The following B3GALT1 variants were observed in gnomAD, a reference collection of about 807,000 sequenced individuals.
B3GALT1 encodes beta-1,3-galactosyltransferase 1.
Under a neutral mutation model 23.2 loss-of-function variants are expected in B3GALT1, and 10 were observed. That is an observed-to-expected ratio of 0.43 (90% CI 0.27 to 0.73). The LOEUF (loss-of-function observed/expected upper bound fraction) is 0.73, where lower values mean the gene tolerates loss of function less well. Among genes scored for constraint, B3GALT1 ranks in the 30% least tolerant of loss-of-function variants. The pLI is 0.21. For missense variants in B3GALT1, 299 were observed against 405.4 expected (o/e 0.74, Z 2.25); for synonymous variants, 156 against 141.5 (o/e 1.10, Z -0.73).
chr2:167,649,224 T>C (rs940907366), intron 3 of B3GALT1, among the ~76,000 whole-genome samples: 1 of 152,132 alleles, frequency 6.6e-6, no homozygotes, highest in Admixed American at 6.6e-5. Context: ...TTGGCATTTT[T>C]CATTTGCATT....
At chr2:167,675,083 C>G (rs1360480581) in intron 3 of B3GALT1, among the ~76,000 whole-genome samples, 1 of 152,180 alleles carries the variant, frequency 6.6e-6, no homozygotes, top group African/African-American at 2.4e-5. Flanking sequence ...CCCTGTGCAC[C>G]TTGGTGGCTG....
intron 1 of B3GALT1, among the ~76,000 whole-genome samples, chr2:167,336,869 C>G (rs892255625): frequency 5.3e-5 from 8 of 152,108 alleles, no homozygotes; most frequent in African/African-American, 1.9e-4. Flanking sequence ...GAATTTAACC[C>G]AATAGGCCCA....
intron 3 of B3GALT1, among the ~76,000 whole-genome samples, chr2:167,671,971 T>A (rs1246969127): frequency 6.6e-6 from 1 of 151,890 alleles, no homozygotes; most frequent in Admixed American, 6.6e-5. Flanking sequence ...ATACAAAGGA[T>A]CATAAAAGAC....
chr2:167,508,696 T>C (rs1699960195), intron 2 of B3GALT1, among the ~76,000 whole-genome samples: 1 of 152,138 alleles, frequency 6.6e-6, no homozygotes, highest in Non-Finnish European at 1.5e-5. Context: ...AAGTATTAAA[T>C]AGTTTAATAC....
At chr2:167,523,712 A>G (rs1438338270) in intron 2 of B3GALT1, among the ~76,000 whole-genome samples, 4 of 152,188 alleles carry the variant, frequency 2.6e-5, no homozygotes, top group African/African-American at 9.7e-5. Flanking sequence ...GGTGTGAGCC[A>G]CTGCACCCAG....
intron 3 of B3GALT1, among the ~76,000 whole-genome samples, chr2:167,751,028 C>T (rs1167448659): frequency 6.6e-6 from 1 of 152,196 alleles, no homozygotes; most frequent in Non-Finnish European, 1.5e-5. Context: ...CTCAACTCTG[C>T]TGTTGCTGCA....
chr2:167,446,296 A>G (rs979061000), intron 1 of B3GALT1, among the ~76,000 whole-genome samples: 1 of 151,892 alleles, frequency 6.6e-6, no homozygotes. Flanking sequence ...TTCCCTTAAC[A>G]TTTTTTCCTT....
At chr2:167,302,540 T>C (rs953455497) in intron 1 of B3GALT1, among the ~76,000 whole-genome samples, 7 of 152,166 alleles carry the variant, frequency 4.6e-5, no homozygotes, top group African/African-American at 1.7e-4. Flanking sequence ...TTTTCAGGGG[T>C]AATTTTAGAC....
Position 167,769,478 on chromosome 2 carries a change from A to G in B3GALT1, c.-351-49194A>G, listed in dbSNP as rs78760877. Reference sequence around the variant, plus strand: ...TACTGTTATGAATTTTGACAAATGCATGAAATTCATAACCACAATCACTAT... The same window carrying G: ...TACTGTTATGAATTTTGACAAATGCGTGAAATTCATAACCACAATCACTAT... On this transcript the variant is annotated intron_variant, in intron 3 of 4. Transcript: ENST00000392690. Among the ~76,000 whole-genome samples the G allele has an allele frequency of 2.7e-3, 414 of 152,316 alleles. 3 individuals carry two copies. Among genetic ancestry groups the G allele is most frequent in the African/African-American group, 9.2e-3 (382 of 41,566 alleles).
intron 2 of B3GALT1, among the ~76,000 whole-genome samples, chr2:167,596,079 G>A (rs1220873090): frequency 3.9e-5 from 6 of 152,202 alleles, no homozygotes; most frequent in Admixed American, 2.6e-4. Flanking sequence ...TTGGTCTCCC[G>A]AGGAGAGAAA....
chr2:167,507,937 G>A (rs1699946068), intron 2 of B3GALT1, among the ~76,000 whole-genome samples: 1 of 152,128 alleles, frequency 6.6e-6, no homozygotes, highest in Non-Finnish European at 1.5e-5. Flanking sequence ...CCATGCTGGA[G>A]GCTGGAAGTC....
At chr2:167,398,965 A>G (rs1366306685) in intron 1 of B3GALT1, among the ~76,000 whole-genome samples, 1 of 152,124 alleles carries the variant, frequency 6.6e-6, no homozygotes, top group Non-Finnish European at 1.5e-5. Flanking sequence ...CAGACCTCAT[A>G]TGCCAAGACC....
Position 167,868,805 on chromosome 2 carries a change from T to A in B3GALT1, c.-229-6T>A. The A allele has an allele frequency of 2.2e-6, 1 of 465,002 alleles. No homozygotes were observed. The highest frequency in any genetic ancestry group is 3.8e-6 in the Non-Finnish European group (1 of 264,532). The allele number at this position is 465,002 out of a possible 1,614,324, so 28.8% of individuals were successfully genotyped here. Reference sequence around the variant, plus strand: ...AAGTGACAACTGTACTTTATTGATTTTGCAGAGTTAAGAGGAAGATTTATG... The same window carrying A: ...AAGTGACAACTGTACTTTATTGATTATGCAGAGTTAAGAGGAAGATTTATG... On this transcript the variant is annotated splice_region_variant and splice_polypyrimidine_tract_variant and intron_variant, in intron 4 of 4. Coordinates refer to ENST00000392690, the MANE Select transcript of B3GALT1 (RefSeq NM_020981.4).
intron 1 of B3GALT1, among the ~76,000 whole-genome samples, chr2:167,436,922 G>A (rs971839433): frequency 1.3e-5 from 2 of 152,166 alleles, no homozygotes; most frequent in African/African-American, 2.4e-5. Context: ...TTTACACTAT[G>A]CAGACATAAA....
intron 2 of B3GALT1, among the ~76,000 whole-genome samples, chr2:167,521,984 GTATATATATATATATATATATACACA>G (rs1700194701): frequency 8.2e-6 from 1 of 122,636 alleles, no homozygotes; most frequent in Non-Finnish European, 1.7e-5. Context: ...GTGTGTGTGT[GTATATATATATATATATATATACACA>G]TATATATATA....
At chr2:167,317,398 G>C (rs1316726323) in intron 1 of B3GALT1, among the ~76,000 whole-genome samples, 3 of 152,098 alleles carry the variant, frequency 2.0e-5, no homozygotes, top group Non-Finnish European at 4.4e-5. Context: ...AGGCTCTTCA[G>C]CTCTGCCAAC....
chr2:167,515,937 T>G (rs978727886), intron 2 of B3GALT1, among the ~76,000 whole-genome samples: 8 of 152,102 alleles, frequency 5.3e-5, no homozygotes, highest in Non-Finnish European at 8.8e-5. Context: ...CTTCCTAAAT[T>G]TTCTAGGCCT....
chr2:167,767,923 A>G (rs1688005075), intron 3 of B3GALT1, among the ~76,000 whole-genome samples: 1 of 152,148 alleles, frequency 6.6e-6, no homozygotes, highest in African/African-American at 2.4e-5. Context: ...GGTGTAGTTC[A>G]GAGAGCTGAG....
chr2:167,486,357 C>CA (rs56092916), intron 1 of B3GALT1, among the ~76,000 whole-genome samples: 40,293 of 113,112 alleles, frequency 0.36, 6,384 homozygotes, highest in East Asian at 0.58. Flanking sequence ...GACTCTGTCT[C>CA]AAAAAAAAAA....
Sources: allele counts gnomAD v4.1 joint callset (sites outside exome capture counted in the v4.1 genomes callset), GRCh38; gene constraint gnomAD v4.1.1; transcripts MANE v1.5; gene names NCBI Gene and HGNC (gene_info 2026-07-23, HGNC 2026-07-21).